UGT1A7: variants seen among roughly 807,000 people sequenced by gnomAD.
The protein encoded by UGT1A7 is UDP glucuronosyltransferase family 1 member A7.
A neutral mutation model predicts 45.6 loss-of-function variants in UGT1A7; 33 were observed. The observed-to-expected ratio is 0.72, with a 90% CI of 0.55 to 0.97. The LOEUF is 0.97. UGT1A7 is among the 50% of genes least tolerant of loss of function. The probability of loss-of-function intolerance (pLI) is 0.00; values close to 1 mark genes in which losing one functional copy is unlikely to be tolerated. For missense variants in UGT1A7, 684 were observed against 666.2 expected, an observed-to-expected ratio of 1.03 and a Z score of -0.29; for synonymous variants, 274 against 250.6, an observed-to-expected ratio of 1.09 and a Z score of -0.88.
intron 1 of UGT1A7, among the ~76,000 whole-genome samples, chr2:233,703,391 T>A (rs552100359): frequency 2.6e-5 from 4 of 152,158 alleles, no homozygotes; most frequent in Admixed American, 2.6e-4. Flanking sequence ...TATTTTCAAA[T>A]AAACAATTTT....
chr2:233,738,490 C>T (rs927376982), intron 1 of UGT1A7, among the ~76,000 whole-genome samples: 34 of 152,308 alleles, frequency 2.2e-4, no homozygotes, highest in Middle Eastern at 6.8e-3. Flanking sequence ...ACTTGTTGAA[C>T]GGTTTTGACC....
rs140668471 is a variant in UGT1A7 at position 233,691,546 on chromosome 2, C to G, written c.855+8754C>G. On this transcript the variant is annotated intron_variant, in intron 1 of 4. Coordinates refer to ENST00000373426, the MANE Select transcript of UGT1A7 (RefSeq NM_019077.3). ...ATGACTAGCTCTGGGCAAGTCTGTT[C>G]TAGTAATTCAAGGTACCACCTCTCA... The G allele has an allele frequency of 2.5e-5, 25 of 985,664 alleles. No homozygotes were observed. In the African/African-American group the frequency reaches 4.2e-4, roughly 16 times the overall value. 61.1% of individuals were successfully genotyped at this position (985,664 alleles called of 1,614,324 possible). A position where few individuals can be genotyped will look rare whatever the true frequency, so the allele number is the denominator to read the frequency against.
At chr2:233,752,558 C>A (rs1695002027) in intron 1 of UGT1A7, 1 of 152,132 alleles carries the variant, frequency 6.6e-6, no homozygotes, top group Non-Finnish European at 1.5e-5. Context: ...GCTGGGACAA[C>A]ATAGTGGGTC....
intron 1 of UGT1A7, among the ~76,000 whole-genome samples, chr2:233,727,195 C>T (rs2077591611): frequency 6.6e-6 from 1 of 152,150 alleles, no homozygotes; most frequent in Non-Finnish European, 1.5e-5. Flanking sequence ...GCTGGGGTGA[C>T]CTCACTGACA....
rs199688431 is a variant in UGT1A7 at position 233,719,254 on chromosome 2, C to G, written c.855+36462C>G. On this transcript the variant is annotated intron_variant, in intron 1 of 4. Transcript: ENST00000373426. Reference sequence around the variant, plus strand: ...CTGATCAGGCACCTGAATGCTACTTCCTTTGATGTGGTTTTAACAGACCCC... The same window carrying G: ...CTGATCAGGCACCTGAATGCTACTTGCTTTGATGTGGTTTTAACAGACCCC... The G allele has an allele frequency of 3.7e-6, 6 of 1,614,048 alleles. No individual in the cohort carries two copies. In the Admixed American group the frequency reaches 1.0e-4, roughly 27 times the overall value.
At chr2:233,729,392 T>C in intron 1 of UGT1A7, 1 of 1,613,876 alleles carries the variant, frequency 6.2e-7, no homozygotes, top group Non-Finnish European at 8.5e-7. Context: ...CAGGATGAAT[T>C]TGATCGCCAT....
At chr2:233,734,338 G>T (rs2078513080) in intron 1 of UGT1A7, among the ~76,000 whole-genome samples, 1 of 152,096 alleles carries the variant, frequency 6.6e-6, no homozygotes, top group Non-Finnish European at 1.5e-5. Context: ...TTCTCTGATG[G>T]TAGTTTGTAT....
rs773213473 is a variant in UGT1A7 at position 233,743,806 on chromosome 2, C to T, written c.856-23228C>T. 2.9e-6 allele frequency: 4 copies of T among 1,367,218 alleles called. No individual in the cohort carries two copies. The South Asian group carries it at 4.5e-5, about 16-fold the overall frequency. The allele number at this position is 1,367,218 out of a possible 1,614,324, so 84.7% of individuals were successfully genotyped here. On this transcript the variant is annotated intron_variant, in intron 1 of 4. Coordinates refer to ENST00000373426, the MANE Select transcript of UGT1A7 (RefSeq NM_019077.3). ...ATCTCCTCTCCGCTTCCTCCTTGTT[C>T]TCAGGGTTTTTGTCGGGGTGCCACT...
At chr2:233,687,189 C>T (rs930297706) in intron 1 of UGT1A7, among the ~76,000 whole-genome samples, 15 of 152,120 alleles carry the variant, frequency 9.9e-5, no homozygotes, top group African/African-American at 1.7e-4. Context: ...CAGCAATACC[C>T]GTAATTGGGT....
intron 1 of UGT1A7, among the ~76,000 whole-genome samples, chr2:233,749,503 T>G (rs1362784067): frequency 6.6e-6 from 1 of 151,872 alleles, no homozygotes; most frequent in African/African-American, 2.4e-5. Context: ...CTTAGAGAAT[T>G]AGAGAACACT....
At chr2:233,747,568 A>G in intron 1 of UGT1A7, 5 of 1,592,710 alleles carry the variant, frequency 3.1e-6, no homozygotes, top group Non-Finnish European at 3.4e-6. Flanking sequence ...ATTTTGAAAA[A>G]TTCATCTTTG....
At chr2:233,716,635 G>A (rs977802865) in intron 1 of UGT1A7, among the ~76,000 whole-genome samples, 5 of 151,972 alleles carry the variant, frequency 3.3e-5, no homozygotes, top group African/African-American at 4.8e-5. Context: ...AGTTTTTATC[G>A]TTTGTACTTT....
intron 1 of UGT1A7, among the ~76,000 whole-genome samples, chr2:233,720,489 G>C (rs2076863556): frequency 6.6e-6 from 1 of 152,082 alleles, no homozygotes; most frequent in Non-Finnish European, 1.5e-5. Flanking sequence ...TGTCCAAGAA[G>C]GGAAGTGTTT....
chr2:233,756,842 A>T (rs544297535), intron 1 of UGT1A7, among the ~76,000 whole-genome samples: 73 of 152,236 alleles, frequency 4.8e-4, no homozygotes, highest in African/African-American at 1.7e-3. Context: ...TTAACCAAAG[A>T]ACATTCTAAC....
intron 1 of UGT1A7, among the ~76,000 whole-genome samples, chr2:233,738,662 G>C (rs958812061): frequency 3.9e-5 from 6 of 152,136 alleles, no homozygotes; most frequent in African/African-American, 7.2e-5. Context: ...CTACGAACTT[G>C]AGAGAGATGA....
At chr2:233,758,553 G>A (rs1420441081) in intron 1 of UGT1A7, among the ~76,000 whole-genome samples, 1 of 152,202 alleles carries the variant, frequency 6.6e-6, no homozygotes, top group Non-Finnish European at 1.5e-5. Context: ...TGCTTGCCCA[G>A]AATCTTGGTC....
At chr2:233,742,731 A>G (rs1692080362) in intron 1 of UGT1A7, 1 of 152,930 alleles carries the variant, frequency 6.5e-6, no homozygotes, top group Non-Finnish European at 1.5e-5. Context: ...TATGGGATTC[A>G]AATGTCTGAC....
chr2:233,720,440 T>C (rs2076859739), intron 1 of UGT1A7, among the ~76,000 whole-genome samples: 1 of 152,036 alleles, frequency 6.6e-6, no homozygotes, highest in Non-Finnish European at 1.5e-5. Flanking sequence ...CGTGAATCTA[T>C]AAGCCCAGTG....
At chr2:233,684,922 A>G (rs573693941) in intron 1 of UGT1A7, among the ~76,000 whole-genome samples, 3 of 151,414 alleles carry the variant, frequency 2.0e-5, no homozygotes, top group African/African-American at 7.2e-5. Context: ...CTTGTTAGAC[A>G]ACAGGATTCA....
Sources: gnomAD v4.1 joint callset for allele counts (sites outside exome capture counted in the v4.1 genomes callset) on GRCh38, gnomAD v4.1.1 for gene constraint, MANE v1.5 for transcripts, NCBI Gene and HGNC (gene_info 2026-07-23, HGNC 2026-07-21) for gene names.